Variants in AKAP6 observed in about 807,000 individuals in gnomAD.
AKAP6 encodes the protein A-kinase anchoring protein 6, also known as A-kinase anchor protein 6.
Under a neutral mutation model 188.5 loss-of-function variants are expected in AKAP6, and 58 were observed. The observed-to-expected ratio is 0.31, with a 90% CI of 0.25 to 0.38. The LOEUF (loss-of-function observed/expected upper bound fraction) is 0.38. Ranked by LOEUF, AKAP6 falls within the 10% of genes least tolerant of loss-of-function variation. The pLI, the probability that AKAP6 is intolerant of heterozygous loss-of-function variation, is 1.00. For synonymous variants in AKAP6, 989 were observed against 998.6 expected (o/e 0.99, Z 0.18); for missense variants, 2,710 against 2,740.0 (o/e 0.99, Z 0.24).
At chr14:32,406,499 G>C (rs553042106) in intron 1 of AKAP6, among the ~76,000 whole-genome samples, 1 of 152,144 alleles carries the variant, frequency 6.6e-6, no homozygotes, top group South Asian at 2.1e-4. Context: ...TGAGCCACTG[G>C]GCCTGGGGAA....
intron 11 of AKAP6, among the ~76,000 whole-genome samples, chr14:32,772,139 T>G (rs563963164): frequency 1.3e-5 from 2 of 151,962 alleles, no homozygotes; most frequent in African/African-American, 4.8e-5. Context: ...AGGGGAGACA[T>G]TTGACAGGGT....
intron 8 of AKAP6, among the ~76,000 whole-genome samples, chr14:32,692,001 A>C (rs980914732): frequency 6.6e-6 from 1 of 152,254 alleles, no homozygotes; most frequent in African/African-American, 2.4e-5. Context: ...TTCTGTTTTG[A>C]GACTTTGTGA....
chr14:32,357,131 A>G (rs1887510235), intron 1 of AKAP6, among the ~76,000 whole-genome samples: 1 of 152,164 alleles, frequency 6.6e-6, no homozygotes, highest in African/African-American at 2.4e-5. Flanking sequence ...GCCAACAAAT[A>G]TTTTTTGACA....
chr14:32,652,938 A>T (rs1476858239), intron 7 of AKAP6, among the ~76,000 whole-genome samples: 1 of 152,162 alleles, frequency 6.6e-6, no homozygotes, highest in Non-Finnish European at 1.5e-5. Context: ...CTGTAGTCCC[A>T]GCTACTCAGG....
At chr14:32,720,568 G>T (rs1003536219) in intron 9 of AKAP6, among the ~76,000 whole-genome samples, 1 of 152,104 alleles carries the variant, frequency 6.6e-6, no homozygotes, top group Non-Finnish European at 1.5e-5. Flanking sequence ...ACTTGTTATT[G>T]GATTTCTTAT....
intron 1 of AKAP6, among the ~76,000 whole-genome samples, chr14:32,377,885 A>G (rs528505411): frequency 2.0e-5 from 3 of 152,300 alleles, no homozygotes; most frequent in African/African-American, 7.2e-5. Flanking sequence ...AGTCTCTTCA[A>G]TGCCATGAAG....
intron 10 of AKAP6, chr14:32,732,801 C>T (rs1487310621): frequency 1.6e-6 from 1 of 643,026 alleles, no homozygotes; most frequent in Non-Finnish European, 2.6e-6. Context: ...GAGCTTGTCC[C>T]CTCTCAGATT....
chr14:32,405,310 C>T (rs780901767), intron 1 of AKAP6, among the ~76,000 whole-genome samples: 33 of 152,016 alleles, frequency 2.2e-4, no homozygotes, highest in Non-Finnish European at 1.2e-4. Context: ...TGGCTGACAC[C>T]TAGAGCAGAT....
Position 32,573,178 on chromosome 14 carries a change from G to A in AKAP6, c.2347-3942G>A, listed in dbSNP as rs185295505. ...GGTAGAAAATAACAGGAAAGACACT[G>A]AACAGATACAGCAGGAGGAGTTTGA... is the stretch of plus-strand genomic sequence containing the variant. On this transcript the variant is annotated intron_variant, in intron 4 of 13. Coordinates refer to ENST00000280979, the MANE Select transcript of AKAP6 (RefSeq NM_004274.5). Among the ~76,000 whole-genome samples the A allele has an allele frequency of 8.5e-5, 13 of 152,270 alleles. No individual in the cohort carries two copies. In the South Asian group the frequency reaches 2.3e-3, roughly 27 times the overall value.
In AKAP6 at chr14:32,693,069, C is replaced by T. The variant is rs78997219; in HGVS notation, c.2880-2921C>T. Reference sequence around the variant, plus strand: ...TGACATCTGAGCATATAGGGATTTACATGATCTTGTAATTCTGGGGTGCAG... The same window carrying T: ...TGACATCTGAGCATATAGGGATTTATATGATCTTGTAATTCTGGGGTGCAG... On this transcript the variant is annotated intron_variant, in intron 8 of 13. Transcript: ENST00000280979. Among the ~76,000 whole-genome samples, 481 of 152,294 alleles carry T rather than the reference C, an allele frequency of 3.2e-3. 1 individual carries two copies. Among genetic ancestry groups the T allele is most frequent in the African/African-American group, 0.011 (468 of 41,558 alleles).
rs1241693186 is a variant in AKAP6 at position 32,433,575 on chromosome 14, A to G, written c.82A>G (p.Ile28Val). Residue 28 changes from isoleucine to valine, a missense_variant, in exon 2 of 14, where the codon ATC (isoleucine) becomes GTC (valine). By Grantham distance (29) the Ile-to-Val change is conservative. Transcript: ENST00000280979. ...PMATDASPMA[I>V]NMTPTVEQGE... The stretch of plus-strand genomic sequence containing the variant: ...GGCTACTGATGCTTCACCCATGGCC[A>G]TCAACATGACACCCACTGTGGAGCA... 1 of 1,614,128 alleles carries G rather than the reference A, an allele frequency of 6.2e-7. No individual in the cohort carries two copies.
intron 1 of AKAP6, among the ~76,000 whole-genome samples, chr14:32,431,160 G>C (rs191821594): frequency 1.2e-4 from 18 of 152,006 alleles, no homozygotes; most frequent in African/African-American, 4.1e-4. Context: ...TATGGTTTAT[G>C]AAGAAGTGGT....
intron 7 of AKAP6, among the ~76,000 whole-genome samples, chr14:32,627,450 C>T (rs536331664): frequency 6.6e-6 from 1 of 152,180 alleles, no homozygotes; most frequent in East Asian, 1.9e-4. Context: ...TTGCTACCAA[C>T]TCAGCCCACT....
At chr14:32,614,603 T>C (rs949571049) in intron 7 of AKAP6, among the ~76,000 whole-genome samples, 2 of 152,224 alleles carry the variant, frequency 1.3e-5, no homozygotes, top group African/African-American at 4.8e-5. Flanking sequence ...ATAATGTTTA[T>C]TAAGCTTTAT....
intron 11 of AKAP6, among the ~76,000 whole-genome samples, chr14:32,772,413 C>T (rs1173354820): frequency 6.6e-6 from 1 of 152,080 alleles, no homozygotes; most frequent in African/African-American, 2.4e-5. Context: ...CATATTTTGC[C>T]ATAAATAGAG....
At chr14:32,362,764 G>A (rs1350695279) in intron 1 of AKAP6, among the ~76,000 whole-genome samples, 1 of 152,170 alleles carries the variant, frequency 6.6e-6, no homozygotes. Flanking sequence ...TTATCCTACT[G>A]AATAGGGAAG....
rs777382053 is a variant in AKAP6 at position 32,824,353 on chromosome 14, A to G, written c.6540A>G (p.Ala2180=). ...CFSSAPPNES[A]VPSEAAMPLQ... The stretch of plus-strand genomic sequence containing the variant: ...CTAGTGCTCCTCCAAATGAATCTGC[A>G]GTTCCCAGCGAAGCTGCAATGCCAC... The change falls in exon 13 of 14, where the codon GCA becomes GCG. Residue 2180 remains alanine (A), a synonymous_variant. Coordinates refer to ENST00000280979, the MANE Select transcript of AKAP6 (RefSeq NM_004274.5). The G allele has an allele frequency of 3.1e-6, 5 of 1,613,786 alleles. No homozygotes were observed. Among genetic ancestry groups the G allele is most frequent in the East Asian group, 2.2e-5 (1 of 44,870 alleles).
At chr14:32,625,301 T>C (rs1886972620) in intron 7 of AKAP6, among the ~76,000 whole-genome samples, 1 of 152,126 alleles carries the variant, frequency 6.6e-6, no homozygotes, top group African/African-American at 2.4e-5. Flanking sequence ...AGCTCACTTT[T>C]GGTAATTTAT....
intron 7 of AKAP6, among the ~76,000 whole-genome samples, chr14:32,641,109 GA>G (rs1479796761): frequency 6.6e-6 from 1 of 151,900 alleles, no homozygotes; most frequent in African/African-American, 2.4e-5. Flanking sequence ...AGGTCGTTGT[GA>G]ATTTTTTTTT....
Sources: allele counts gnomAD v4.1 joint callset (sites outside exome capture counted in the v4.1 genomes callset), GRCh38; gene constraint gnomAD v4.1.1; transcripts MANE v1.5; gene names NCBI Gene and HGNC (gene_info 2026-07-23, HGNC 2026-07-21).